Variants in BOC observed in about 807,000 individuals in gnomAD.
BOC encodes the protein BOC cell adhesion associated, oncogene regulated, also known as brother of CDO.
Under a neutral mutation model 112.0 loss-of-function variants are expected in BOC, and 76 were observed. That is an observed-to-expected ratio of 0.68 (90% confidence interval 0.56 to 0.82). The LOEUF (loss-of-function observed/expected upper bound fraction) is 0.82, where lower values mean the gene tolerates loss of function less well. Among genes scored for constraint, BOC ranks in the 40% least tolerant of loss-of-function variants. BOC has a pLI of 0.00. For missense variants in BOC, 1,309 were observed against 1,511.7 expected (o/e 0.87, Z 2.22); for synonymous variants, 580 against 599.8 (o/e 0.97, Z 0.48).
intron 2 of BOC, among the ~76,000 whole-genome samples, chr3:113,238,118 G>T (rs1298446244): frequency 1.3e-5 from 2 of 152,188 alleles, no homozygotes; most frequent in African/African-American, 4.8e-5. Context: ...TTCATAAGAG[G>T]TGACATTTGA....
At position 113,274,231 on chromosome 3, in the gene BOC, G is replaced by A; in HGVS notation, c.1235-144G>A. 2 of 706,056 alleles carry A rather than the reference G, an allele frequency of 2.8e-6. No homozygotes were observed. The highest frequency in any genetic ancestry group is 4.3e-6 in the Non-Finnish European group (2 of 466,436). 43.7% of individuals were successfully genotyped at this position (706,056 alleles called of 1,614,324 possible). ...GCGCTGTCTTCCACGGAGCCTGGCT[G>A]GGCAGCACAGAGTGGGTGGCGGTAC... On this transcript the variant is annotated intron_variant, in intron 8 of 19. Coordinates refer to ENST00000682979, the MANE Select transcript of BOC (RefSeq NM_001378074.1). The surrounding 1 kb of genome is among the most constrained non-coding windows in gnomAD (Gnocchi z 4.8).
At position 113,213,383 on chromosome 3, in the gene BOC, T is replaced by A. The variant is rs559986474; in HGVS notation, c.-170+1367T>A. ...ATTGACCATTGGATGAATGTCATTT[T>A]AAAACTTCAGTGTGCAGACATTTCT... On this transcript the variant is annotated intron_variant, in intron 1 of 19. Transcript: ENST00000682979. 4.6e-5 allele frequency among the ~76,000 whole-genome samples: 7 copies of A among 152,372 alleles called. No homozygotes were observed. The East Asian group carries it at 1.2e-3, about 25-fold the overall frequency.
chr3:113,218,777 C>T (rs1456294106), intron 2 of BOC, among the ~76,000 whole-genome samples: 1 of 152,196 alleles, frequency 6.6e-6, no homozygotes, highest in African/African-American at 2.4e-5. Flanking sequence ...GCTTTTCATT[C>T]TATAGGCTTC....
At chr3:113,249,643 G>A (rs1576410260) in intron 2 of BOC, 79 bp from the exon 3 acceptor site, 1 of 573,648 alleles carries the variant, frequency 1.7e-6, no homozygotes. Flanking sequence ...AAGGGACAAA[G>A]CCAAGCCCTG....
At chr3:113,232,193 G>A (rs1942722981) in intron 2 of BOC, among the ~76,000 whole-genome samples, 1 of 152,170 alleles carries the variant, frequency 6.6e-6, no homozygotes, top group Admixed American at 6.5e-5. Flanking sequence ...CAGCTGGCAA[G>A]GCTCCATGTG....
intron 2 of BOC, among the ~76,000 whole-genome samples, chr3:113,219,658 G>A (rs77423133): frequency 1.3e-5 from 2 of 152,304 alleles, no homozygotes; most frequent in South Asian, 4.1e-4. Context: ...AAAGTGTAAG[G>A]GGTAGGTGAG....
At position 113,268,286 on chromosome 3, in the gene BOC, C is replaced by T. The variant is rs780604965; in HGVS notation, c.377-13C>T. ...TGCTGTCCTCCAACCAGCACCTTCC[C>T]TTCTCTTCACAGATCTCCAGGACTT... On this transcript the variant is annotated splice_polypyrimidine_tract_variant and intron_variant, in intron 4 of 19. Coordinates refer to ENST00000682979, the MANE Select transcript of BOC (RefSeq NM_001378074.1). 1.2e-6 allele frequency: 2 copies of T among 1,613,956 alleles called. No individual in the cohort carries two copies. The highest frequency in any genetic ancestry group is 8.5e-7 in the Non-Finnish European group (1 of 1,179,946).
At chr3:113,242,249 A>G (rs1944404761) in intron 2 of BOC, among the ~76,000 whole-genome samples, 1 of 152,122 alleles carries the variant, frequency 6.6e-6, no homozygotes, top group South Asian at 2.1e-4. Flanking sequence ...AGTGTAGAAG[A>G]AAGGAAGTGG....
intron 4 of BOC, among the ~76,000 whole-genome samples, chr3:113,261,478 C>T (rs980054651): frequency 2.0e-5 from 3 of 152,130 alleles, no homozygotes; most frequent in Admixed American, 2.0e-4. Flanking sequence ...CCAGCCCTAC[C>T]TCAGAGCGGC....
At chr3:113,242,839 G>C (rs951179472) in intron 2 of BOC, among the ~76,000 whole-genome samples, 1 of 152,114 alleles carries the variant, frequency 6.6e-6, no homozygotes, top group Non-Finnish European at 1.5e-5. Flanking sequence ...CCAAAGTGGG[G>C]TGCAAGTGCC....
At chr3:113,251,806 T>A (rs1576417483) in intron 4 of BOC, 1 of 152,186 alleles carries the variant, frequency 6.6e-6, no homozygotes, top group East Asian at 1.9e-4. Context: ...GTGAAAGTCA[T>A]AGTTTTTACA....
At chr3:113,229,081 C>T (rs192815001) in intron 2 of BOC, among the ~76,000 whole-genome samples, 7 of 152,168 alleles carry the variant, frequency 4.6e-5, no homozygotes, top group South Asian at 4.2e-4. Flanking sequence ...CTGGGAGGGC[C>T]GGGAAGGAGT....
intron 2 of BOC, among the ~76,000 whole-genome samples, chr3:113,248,054 A>T (rs16860704): frequency 6.6e-6 from 1 of 152,124 alleles, no homozygotes; most frequent in African/African-American, 2.4e-5. Flanking sequence ...AATACAAACC[A>T]TCGGGAAAGA....
In BOC at chr3:113,236,254, GTGTGTGTGTGTGTA is replaced by G. The variant is rs1305472001; in HGVS notation, c.-81-13466_-81-13453del. Among the ~76,000 whole-genome samples, 28 of 39,442 alleles carry G rather than the reference GTGTGTGTGTGTGTA, an allele frequency of 7.1e-4. 1 individual carries two copies. Among genetic ancestry groups the G allele is most frequent in the African/African-American group, 2.0e-3 (28 of 13,780 alleles). 25.9% of individuals were successfully genotyped at this position (39,442 alleles called of 152,430 possible). On this transcript the variant is annotated intron_variant, in intron 2 of 19. Transcript: ENST00000682979. ...TGTGTGTGTGTGTGTGTGTGTGTGTGTGTGTGTGTGTGTATATATACCCATGGGTATATATATAT... is the reference window on the plus strand; with the variant it reads ...TGTGTGTGTGTGTGTGTGTGTGTGTGTATATACCCATGGGTATATATATAT...
chr3:113,281,956 C>T (rs1949239642), intron 15 of BOC, among the ~76,000 whole-genome samples: 2 of 152,260 alleles, frequency 1.3e-5, no homozygotes, highest in South Asian at 4.2e-4. Flanking sequence ...AATCCTGGAT[C>T]ACCTGGTGCA....
At position 113,283,435 on chromosome 3, in the gene BOC, G is replaced by A. The variant is rs2107745698; in HGVS notation, c.2459G>A (p.Gly820Asp). Reference protein sequence around the residue: ...TKARKSSGQPGRLPPPTLAPP... With the variant: ...TKARKSSGQPDRLPPPTLAPP... ...GCTCGGAAGTCTTCTGGCCAGCCTG[G>A]TCGACTGCCACCCCCAACTCTGGCC... is the stretch of plus-strand genomic sequence containing the variant. Residue 820 changes from glycine (G) to aspartate (D), a missense_variant, in exon 16 of 20, where the codon GGT becomes GAT. Coordinates refer to ENST00000682979, the MANE Select transcript of BOC (RefSeq NM_001378074.1). 2 of 1,608,046 alleles carry A rather than the reference G, an allele frequency of 1.2e-6. No homozygotes were observed. Among genetic ancestry groups the A allele is most frequent in the Non-Finnish European group, 1.7e-6 (2 of 1,174,972 alleles).
intron 2 of BOC, among the ~76,000 whole-genome samples, chr3:113,235,849 C>T (rs1943360959): frequency 6.6e-6 from 1 of 152,010 alleles, no homozygotes; most frequent in Admixed American, 6.5e-5. Flanking sequence ...CAGCCCATTG[C>T]TTAATTTTGT....
chr3:113,220,284 G>GTA (rs1940356150), intron 2 of BOC, among the ~76,000 whole-genome samples: 1 of 152,206 alleles, frequency 6.6e-6, no homozygotes, highest in South Asian at 2.1e-4. Flanking sequence ...CAAAGGACAT[G>GTA]TAGTTAGTTA....
At chr3:113,261,791 C>A in intron 4 of BOC, 1 of 152,306 alleles carries the variant, frequency 6.6e-6, no homozygotes. Context: ...CTGCCCACCC[C>A]CAGATTTCTC....
Sources: gnomAD v4.1 joint callset for allele counts (sites outside exome capture counted in the v4.1 genomes callset) on GRCh38, gnomAD v4.1.1 for gene constraint, Gnocchi (gnomAD v3.1) non-coding constraint, MANE v1.5 for transcripts, NCBI Gene and HGNC (gene_info 2026-07-23, HGNC 2026-07-21) for gene names.